Variants in ZNF536 observed in about 807,000 individuals in gnomAD.
ZNF536 encodes the protein zinc finger protein 536.
ZNF536 carries 13 observed loss-of-function variants against 84.5 expected under a neutral mutation model. That is an observed-to-expected ratio of 0.15 (90% confidence interval 0.10 to 0.24). The LOEUF (loss-of-function observed/expected upper bound fraction) is 0.24. Among genes scored for constraint, ZNF536 ranks in the 10% least tolerant of loss-of-function variants. The pLI, the probability that ZNF536 is intolerant of heterozygous loss-of-function variation, is 1.00. For missense variants in ZNF536, 1,536 were observed against 1,747.5 expected, an observed-to-expected ratio of 0.88 and a Z score of 2.16; for synonymous variants, 811 against 742.5, an observed-to-expected ratio of 1.09 and a Z score of -1.50.
At chr19:30,339,767 G>C (rs768231238) in intron 2 of ZNF536, among the ~76,000 whole-genome samples, 98 of 152,306 alleles carry the variant, frequency 6.4e-4, no homozygotes, top group Non-Finnish European at 1.2e-3. Context: ...AGGGAGGTGG[G>C]GAGGCCAGCA....
intron 1 of ZNF536, among the ~76,000 whole-genome samples, chr19:30,373,096 G>C (rs958210058): frequency 1.3e-5 from 2 of 152,216 alleles, no homozygotes; most frequent in Non-Finnish European, 2.9e-5. Flanking sequence ...TCTGCTTTTT[G>C]ACGTTAGAGA....
chr19:30,565,860 G>A (rs2046329632), intron 1 of ZNF536, among the ~76,000 whole-genome samples: 1 of 152,046 alleles, frequency 6.6e-6, no homozygotes. Flanking sequence ...GAGTCAGGGA[G>A]GGGAATTCCC....
In ZNF536 at chr19:30,653,776, C is replaced by A. The variant is rs143912120; in HGVS notation, c.170-56981C>A. On this transcript the variant is annotated intron_variant, in intron 1 of 1. Transcript: ENST00000592773. ...TCCCTTCTCCGCCAAGGGGTCCCGCCCAGCCTGCCTTGCTCATAACACAAG... is the reference window on the plus strand; with the variant it reads ...TCCCTTCTCCGCCAAGGGGTCCCGCACAGCCTGCCTTGCTCATAACACAAG... Among the ~76,000 whole-genome samples the A allele has an allele frequency of 3.7e-3, 558 of 152,246 alleles. 6 individuals are homozygous for A. The highest frequency in any genetic ancestry group is 0.013 in the African/African-American group (529 of 41,554).
intron 1 of ZNF536, among the ~76,000 whole-genome samples, chr19:30,231,651 G>A (rs1040076411): frequency 3.3e-5 from 5 of 152,194 alleles, no homozygotes; most frequent in Non-Finnish European, 7.3e-5. Flanking sequence ...AGAGGGATTG[G>A]TTGTTCAGGT....
chr19:30,364,643 G>T (rs2048370833), intron 3 of ZNF536, among the ~76,000 whole-genome samples: 1 of 152,210 alleles, frequency 6.6e-6, no homozygotes, highest in Admixed American at 6.5e-5. Flanking sequence ...CTAAGTTTGG[G>T]GTGTCCAGAA....
At chr19:30,337,833 C>T (rs368456424) in intron 2 of ZNF536, among the ~76,000 whole-genome samples, 53 of 152,296 alleles carry the variant, frequency 3.5e-4, no homozygotes, top group Middle Eastern at 3.4e-3. Context: ...GAACTTAACA[C>T]GGCTCTGGGC....
At position 30,445,578 on chromosome 19, in the gene ZNF536, T is replaced by A. The variant is rs372094817; in HGVS notation, c.2016T>A (p.Arg672=). Residue 672 remains arginine (R), a synonymous_variant, in exon 2 of 5, where the codon CGT becomes CGA. Coordinates refer to ENST00000355537, the MANE Select transcript of ZNF536 (RefSeq NM_014717.3). This position sits in a 1 kb window ranked among gnomAD's most constrained non-coding sequence, Gnocchi z 4.5. ...DGLHVGLDER[R]GSGSDQESQS... ...TGCACGTGGGCCTGGATGAGCGGCG[T>A]GGCTCGGGCAGTGACCAGGAGTCCC... 12 of 1,613,048 alleles carry A rather than the reference T, an allele frequency of 7.4e-6. No homozygotes were observed. The highest frequency in any genetic ancestry group is 1.3e-5 in the African/African-American group (1 of 74,918).
intron 1 of ZNF536, among the ~76,000 whole-genome samples, chr19:30,643,684 G>A (rs1379131845): frequency 6.6e-6 from 1 of 152,090 alleles, no homozygotes; most frequent in Non-Finnish European, 1.5e-5. Context: ...GCACCAACCT[G>A]TGTGGAAGCA....
intron 1 of ZNF536, among the ~76,000 whole-genome samples, chr19:30,657,588 C>CCCCT (rs2049962793): frequency 6.6e-6 from 1 of 152,214 alleles, no homozygotes; most frequent in African/African-American, 2.4e-5. Context: ...TCTCTTCCCC[C>CCCCT]TGCACTCTCT....
chr19:30,561,128 T>C (rs1423840187), downstream of ZNF536, among the ~76,000 whole-genome samples: 1 of 152,246 alleles, frequency 6.6e-6, no homozygotes, highest in East Asian at 1.9e-4. Context: ...ATTAACATAA[T>C]ATGCTCTCAA....
At chr19:30,566,636 C>A (rs1373994610) in intron 1 of ZNF536, among the ~76,000 whole-genome samples, 1 of 149,118 alleles carries the variant, frequency 6.7e-6, no homozygotes, top group African/African-American at 2.5e-5. Flanking sequence ...CCTCTCCGGG[C>A]AGTGGGGGGA....
At chr19:30,653,347 G>C (rs895786993) in intron 1 of ZNF536, among the ~76,000 whole-genome samples, 2 of 152,072 alleles carry the variant, frequency 1.3e-5, no homozygotes, top group Admixed American at 1.3e-4. Flanking sequence ...TGCTTTCGGG[G>C]AGACAAGCAG....
upstream of ZNF536, among the ~76,000 whole-genome samples, chr19:30,227,724 G>C (rs966674450): frequency 2.6e-5 from 4 of 151,820 alleles, no homozygotes; most frequent in Non-Finnish European, 4.4e-5. Context: ...GGTTCCTCCT[G>C]CGCCTTCTCC....
intron 1 of ZNF536, among the ~76,000 whole-genome samples, chr19:30,591,218 C>G (rs1008973266): frequency 6.6e-6 from 1 of 152,170 alleles, no homozygotes; most frequent in East Asian, 1.9e-4. Flanking sequence ...GGGCAGGGAT[C>G]CGAGGGTGTC....
At chr19:30,366,402 C>G (rs373073059) in intron 3 of ZNF536, among the ~76,000 whole-genome samples, 1 of 125,124 alleles carries the variant, frequency 8.0e-6, no homozygotes, top group African/African-American at 3.1e-5. Context: ...CTATCTATAT[C>G]TATCTCCTTC....
At chr19:30,459,732 T>A (rs2053045662) in intron 2 of ZNF536, among the ~76,000 whole-genome samples, 1 of 152,144 alleles carries the variant, frequency 6.6e-6, no homozygotes, top group African/African-American at 2.4e-5. Flanking sequence ...GCCATTTGTC[T>A]ATATCCCTAG....
At chr19:30,451,768 C>T (rs1228552816) in intron 2 of ZNF536, among the ~76,000 whole-genome samples, 1 of 152,206 alleles carries the variant, frequency 6.6e-6, no homozygotes, top group Non-Finnish European at 1.5e-5. Context: ...GCCTGGGCTG[C>T]CCTTCTGTTT....
intron 1 of ZNF536, among the ~76,000 whole-genome samples, chr19:30,258,579 C>T (rs2025031064): frequency 6.6e-6 from 1 of 152,146 alleles, no homozygotes; most frequent in African/African-American, 2.4e-5. Flanking sequence ...GCACCTTGGT[C>T]ATCTCAACCC....
intron 1 of ZNF536, among the ~76,000 whole-genome samples, chr19:30,682,314 A>G (rs796382330): frequency 1.2e-4 from 18 of 152,286 alleles, no homozygotes; most frequent in African/African-American, 4.3e-4. Flanking sequence ...TGTTTCCCCA[A>G]GAAAGGAGGA....
Sources: allele counts gnomAD v4.1 joint callset (sites outside exome capture counted in the v4.1 genomes callset), GRCh38; gene constraint gnomAD v4.1.1; non-coding constraint Gnocchi (gnomAD v3.1); transcripts MANE v1.5; gene names NCBI Gene and HGNC (gene_info 2026-07-23, HGNC 2026-07-21).